Variants in CDH12 observed in about 807,000 individuals in gnomAD.
CDH12 encodes the protein cadherin 12.
In CDH12, 41 loss-of-function variants were observed where a neutral mutation model predicts 74.1. That is an observed-to-expected ratio of 0.55 (90% confidence interval 0.43 to 0.72). CDH12 has a LOEUF of 0.72. CDH12 is among the 30% of genes least tolerant of loss of function. CDH12 has a pLI of 0.00. For synonymous variants in CDH12, 399 were observed against 355.0 expected (o/e 1.12, Z -1.39); for missense variants, 945 against 977.2 (o/e 0.97, Z 0.44).
In CDH12 at chr5:22,373,781, G is replaced by C. The variant is rs149539717; in HGVS notation, c.-333+31476C>G. 6.7e-4 allele frequency among the ~76,000 whole-genome samples: 102 copies of C among 152,242 alleles called. 1 individual carries two copies. The East Asian group carries it at 0.016, about 25-fold the overall frequency. ...AACCAACAACATATATACATCTTTAGGAAAACAATCCTTCCCTATGAAAGC... is the reference window on the plus strand; with the variant it reads ...AACCAACAACATATATACATCTTTACGAAAACAATCCTTCCCTATGAAAGC... On this transcript the variant is annotated intron_variant, in intron 3 of 14. Coordinates refer to ENST00000382254, the MANE Select transcript of CDH12 (RefSeq NM_004061.5).
At chr5:22,259,841 G>A (rs566544944) in intron 3 of CDH12, among the ~76,000 whole-genome samples, 1 of 151,924 alleles carries the variant, frequency 6.6e-6, no homozygotes, top group South Asian at 2.1e-4. Context: ...GAAGCTGACC[G>A]AATTGAGAAT....
At chr5:22,675,278 C>G (rs1041271739) in intron 1 of CDH12, among the ~76,000 whole-genome samples, 2 of 152,150 alleles carry the variant, frequency 1.3e-5, no homozygotes, top group African/African-American at 4.8e-5. Flanking sequence ...ACGTATAGAG[C>G]TTGGGCTGTT....
At chr5:22,115,636 A>G (rs1188249983) in intron 4 of CDH12, among the ~76,000 whole-genome samples, 2 of 151,024 alleles carry the variant, frequency 1.3e-5, no homozygotes, top group African/African-American at 4.9e-5. Context: ...CCTTTGTAGC[A>G]ATATTTTAGC....
At chr5:22,702,949 C>G (rs1380213850) in intron 1 of CDH12, among the ~76,000 whole-genome samples, 2 of 151,898 alleles carry the variant, frequency 1.3e-5, no homozygotes, top group East Asian at 3.9e-4. Context: ...AGTCTTTTTC[C>G]TCTCATTTCT....
intron 4 of CDH12, among the ~76,000 whole-genome samples, chr5:22,104,741 T>C (rs563603986): frequency 6.6e-6 from 1 of 152,330 alleles, no homozygotes; most frequent in Admixed American, 6.5e-5. Context: ...TTTTGATCCT[T>C]ACCAGCCTAA....
rs970100817 is a variant in CDH12, at chr5:22,587,752, G to A, written c.-522-82388C>T. On this transcript the variant is annotated intron_variant, in intron 1 of 14. Coordinates refer to ENST00000382254, the MANE Select transcript of CDH12 (RefSeq NM_004061.5). ...ACTAACCATTTTCTGTTGAGACCCC[G>A]AATTATATGGACCTAGAATGGCACA... Among the ~76,000 whole-genome samples the A allele has an allele frequency of 1.4e-4, 21 of 151,714 alleles. No individual in the cohort carries two copies. The East Asian group carries it at 2.9e-3, about 21-fold the overall frequency.
intron 1 of CDH12, among the ~76,000 whole-genome samples, chr5:22,703,191 C>G (rs750440482): frequency 2.6e-5 from 4 of 152,110 alleles, no homozygotes; most frequent in Non-Finnish European, 5.9e-5. Context: ...CCGTTCAAGT[C>G]AAGGGGATCT....
rs201864806 is a variant in CDH12, at chr5:22,651,114, T to A, written c.-522-145750A>T. ...ATTTATATCATCAAGAGGCCCCATATCCAAAATATATTTTAAAGTCACAGC... is the reference window on the plus strand; with the variant it reads ...ATTTATATCATCAAGAGGCCCCATAACCAAAATATATTTTAAAGTCACAGC... On this transcript the variant is annotated intron_variant, in intron 1 of 14. Coordinates refer to ENST00000382254, the MANE Select transcript of CDH12 (RefSeq NM_004061.5). 4.5e-4 allele frequency among the ~76,000 whole-genome samples: 69 copies of A among 152,080 alleles called. No individual in the cohort carries two copies. In the East Asian group the frequency reaches 0.013, roughly 30 times the overall value.
chr5:22,564,076 T>G (rs1739183144), intron 1 of CDH12, among the ~76,000 whole-genome samples: 1 of 152,180 alleles, frequency 6.6e-6, no homozygotes, highest in Non-Finnish European at 1.5e-5. Context: ...ACCAATTCCG[T>G]TTATTCTAAC....
At chr5:22,802,060 T>TA (rs1404702334) in intron 1 of CDH12, among the ~76,000 whole-genome samples, 1 of 152,038 alleles carries the variant, frequency 6.6e-6, no homozygotes, top group Non-Finnish European at 1.5e-5. Flanking sequence ...TCTCCCAATT[T>TA]ACTGATGCTC....
At chr5:22,315,648 C>T (rs1738600338) in intron 3 of CDH12, among the ~76,000 whole-genome samples, 1 of 152,096 alleles carries the variant, frequency 6.6e-6, no homozygotes, top group Non-Finnish European at 1.5e-5. Flanking sequence ...GAAATGTAGA[C>T]TGGATTCTAT....
chr5:22,702,710 A>G (rs577042763), intron 1 of CDH12, among the ~76,000 whole-genome samples: 183 of 152,124 alleles, frequency 1.2e-3, no homozygotes, highest in Non-Finnish European at 2.1e-3. Context: ...ATCAGAATAC[A>G]AGCTTGATAA....
At chr5:21,958,235 C>T (rs963713117) in intron 6 of CDH12, among the ~76,000 whole-genome samples, 4 of 152,198 alleles carry the variant, frequency 2.6e-5, no homozygotes, top group South Asian at 2.1e-4. Flanking sequence ...GTCAATTAAA[C>T]CTTTTTCTTT....
intron 1 of CDH12, among the ~76,000 whole-genome samples, chr5:22,593,541 A>G (rs1194208631): frequency 2.6e-5 from 4 of 152,150 alleles, no homozygotes; most frequent in African/African-American, 9.7e-5. Context: ...TTTTCCTAGT[A>G]CAGGTCCTCT....
At chr5:22,330,535 G>A (rs1201632397) in intron 3 of CDH12, among the ~76,000 whole-genome samples, 1 of 151,976 alleles carries the variant, frequency 6.6e-6, no homozygotes, top group Non-Finnish European at 1.5e-5. Context: ...AGTGGATCAC[G>A]AGGTCAAGAG....
At chr5:22,417,393 T>C (rs919767785) in intron 2 of CDH12, among the ~76,000 whole-genome samples, 1 of 152,082 alleles carries the variant, frequency 6.6e-6, no homozygotes, top group East Asian at 1.9e-4. Context: ...CAGGAGTGAG[T>C]TGCTGATAAA....
rs183220714 is a variant in CDH12, at chr5:22,045,050, C to G, written c.231+33396G>C. Among the ~76,000 whole-genome samples the G allele has an allele frequency of 4.1e-3, 630 of 152,248 alleles. 8 individuals are homozygous for G. Among genetic ancestry groups the G allele is most frequent in the Middle Eastern group, 0.014 (4 of 294 alleles). ...TGTTCACCTGACAAAGGGTTAATAT[C>G]AAGAATATACGAGAAACTCAGACAA... is the stretch of plus-strand genomic sequence containing the variant. On this transcript the variant is annotated intron_variant, in intron 5 of 14. Transcript: ENST00000382254.
intron 5 of CDH12, among the ~76,000 whole-genome samples, chr5:22,070,778 T>G (rs1380585676): frequency 6.6e-6 from 1 of 152,208 alleles, no homozygotes; most frequent in Non-Finnish European, 1.5e-5. Context: ...ATTGAATTTT[T>G]AAATTACACT....
chr5:21,935,482 G>T (rs1277884751), intron 6 of CDH12, among the ~76,000 whole-genome samples: 1 of 152,074 alleles, frequency 6.6e-6, no homozygotes, highest in African/African-American at 2.4e-5. Flanking sequence ...TGGGTAGGTA[G>T]TAGGTGTATA....
Sources: gnomAD v4.1 joint callset for allele counts (sites outside exome capture counted in the v4.1 genomes callset) on GRCh38, gnomAD v4.1.1 for gene constraint, MANE v1.5 for transcripts, NCBI Gene and HGNC (gene_info 2026-07-23, HGNC 2026-07-21) for gene names.